The following GRID2 variants were observed in gnomAD, a reference collection of about 807,000 sequenced individuals.
GRID2 encodes glutamate ionotropic receptor delta type subunit 2.
GRID2 carries 33 observed loss-of-function variants against 114.8 expected under a neutral mutation model. The ratio of observed to expected loss-of-function variants is 0.29; its 90% CI spans 0.22 to 0.38. GRID2 has a LOEUF of 0.38. Ranked by LOEUF, GRID2 falls within the 10% of genes least tolerant of loss-of-function variation. The probability of loss-of-function intolerance (pLI) is 1.00; values close to 1 mark genes in which losing one functional copy is unlikely to be tolerated. For synonymous variants in GRID2, 505 were observed against 449.9 expected (o/e 1.12, Z -1.55); for missense variants, 1,184 against 1,257.7 (o/e 0.94, Z 0.89).
At chr4:93,544,290 G>A (rs1286611878) in intron 13 of GRID2, among the ~76,000 whole-genome samples, 2 of 139,638 alleles carry the variant, frequency 1.4e-5, no homozygotes, top group South Asian at 4.5e-4. Context: ...AAATGGGTTA[G>A]CATTTAAAAT....
At chr4:93,475,294 T>A (rs748142189) in intron 11 of GRID2, among the ~76,000 whole-genome samples, 2 of 152,114 alleles carry the variant, frequency 1.3e-5, no homozygotes, top group Non-Finnish European at 2.9e-5. Flanking sequence ...AATACTCTCC[T>A]AAGAACTTAA....
At chr4:92,886,398 A>C (rs1442529775) in intron 2 of GRID2, among the ~76,000 whole-genome samples, 3 of 152,136 alleles carry the variant, frequency 2.0e-5, no homozygotes, top group Admixed American at 1.3e-4. Flanking sequence ...AATGGGCACA[A>C]TAGATTTTTA....
chr4:92,575,167 G>T (rs1192738627), intron 1 of GRID2, among the ~76,000 whole-genome samples: 3 of 152,162 alleles, frequency 2.0e-5, no homozygotes, highest in African/African-American at 7.2e-5. Context: ...TCATCAGGTT[G>T]GTTATGTTCC....
rs542335538 is a variant in GRID2 at position 92,954,957 on chromosome 4, A to T, written c.245-130038A>T. The stretch of plus-strand genomic sequence containing the variant: ...AAAGGAGATGAACTCATCATTTTTT[A>T]TGGCTGCATAGTATTCCATGGTGTA... On this transcript the variant is annotated intron_variant, in intron 2 of 15. Coordinates refer to ENST00000282020, the MANE Select transcript of GRID2 (RefSeq NM_001510.4). Among the ~76,000 whole-genome samples the T allele has an allele frequency of 5.8e-5, 7 of 121,122 alleles. No individual in the cohort carries two copies. The Admixed American group carries it at 5.8e-4, about 10-fold the overall frequency. 79.5% of individuals were successfully genotyped at this position (121,122 alleles called of 152,430 possible).
intron 1 of GRID2, among the ~76,000 whole-genome samples, chr4:92,333,760 G>A (rs1297843176): frequency 1.3e-5 from 2 of 151,966 alleles, no homozygotes; most frequent in African/African-American, 4.8e-5. Context: ...TTAGATATGG[G>A]GTCTTGGTTT....
At position 93,216,832 on chromosome 4, in the gene GRID2, G is replaced by C; in HGVS notation, c.884G>C (p.Ser295Thr). ...ACATTTCCAGTTCCCCAGAACATAA[G>C]TCAGCGGTGTTTCCGTGGCAACCAT... Reference protein sequence around the residue: ...RQTFPVPQNISQRCFRGNHRI... With the variant: ...RQTFPVPQNITQRCFRGNHRI... Residue 295 changes from serine (S) to threonine (T), a missense_variant, in exon 6 of 16, where the codon AGT becomes ACT. Around this residue, in one of 3 missense-constraint regions of GRID2, gnomAD observed 455 missense variants for 429.5 expected, o/e 1.06. Transcript: ENST00000282020. 1 of 1,613,022 alleles carries C rather than the reference G, an allele frequency of 6.2e-7. No homozygotes were observed. The highest frequency in any genetic ancestry group is 8.5e-7 in the Non-Finnish European group (1 of 1,179,074).
chr4:93,601,513 C>A (rs1262443668), intron 13 of GRID2, among the ~76,000 whole-genome samples: 2 of 152,124 alleles, frequency 1.3e-5, no homozygotes, highest in Non-Finnish European at 2.9e-5. Flanking sequence ...CTGATAACAC[C>A]AACAGCTGAG....
chr4:92,802,079 T>A (rs1284008165), intron 2 of GRID2, among the ~76,000 whole-genome samples: 6 of 151,986 alleles, frequency 3.9e-5, no homozygotes, highest in Non-Finnish European at 7.4e-5. Context: ...GTTTTCATTA[T>A]AATTTTGGTT....
intron 8 of GRID2, among the ~76,000 whole-genome samples, chr4:93,359,701 A>T (rs981653125): frequency 3.4e-5 from 5 of 147,478 alleles, no homozygotes; most frequent in South Asian, 2.2e-4. Flanking sequence ...TTCATTCAAC[A>T]TAATGATCTC....
chr4:93,274,984 G>A (rs1751887974), intron 8 of GRID2, among the ~76,000 whole-genome samples: 1 of 151,852 alleles, frequency 6.6e-6, no homozygotes, highest in Non-Finnish European at 1.5e-5. Flanking sequence ...TATCCACAAA[G>A]TTATTCAACC....
chr4:93,064,688 G>A (rs776281594), intron 2 of GRID2, among the ~76,000 whole-genome samples: 11 of 151,924 alleles, frequency 7.2e-5, no homozygotes, highest in Non-Finnish European at 1.3e-4. Context: ...TTGAACCAGA[G>A]ATTATTGTGT....
chr4:93,651,610 A>G (rs2149722272), intron 14 of GRID2, among the ~76,000 whole-genome samples: 1 of 152,316 alleles, frequency 6.6e-6, no homozygotes, highest in Middle Eastern at 3.4e-3. Context: ...CGAGTCTAAT[A>G]TGAAAAATAA....
intron 1 of GRID2, among the ~76,000 whole-genome samples, chr4:92,401,258 T>A (rs1168741875): frequency 6.6e-6 from 1 of 152,268 alleles, no homozygotes; most frequent in Non-Finnish European, 1.5e-5. Context: ...TATATGCAAT[T>A]TGGCAATAGT....
At chr4:93,230,641 G>A (rs537559398) in intron 7 of GRID2, among the ~76,000 whole-genome samples, 24 of 152,086 alleles carry the variant, frequency 1.6e-4, no homozygotes, top group South Asian at 4.1e-4. Flanking sequence ...TAAGTGTTGC[G>A]TAGCTAATTA....
At chr4:92,950,039 G>T (rs1181227078) in intron 2 of GRID2, among the ~76,000 whole-genome samples, 8 of 152,084 alleles carry the variant, frequency 5.3e-5, no homozygotes, top group Non-Finnish European at 1.0e-4. Flanking sequence ...TTTGAGAAAA[G>T]AATCAAGATG....
intron 2 of GRID2, among the ~76,000 whole-genome samples, chr4:92,688,921 A>G (rs1285311850): frequency 6.6e-6 from 1 of 152,180 alleles, no homozygotes; most frequent in East Asian, 1.9e-4. Context: ...ACATAATAAG[A>G]CTTGAAAGTT....
At chr4:93,355,543 C>T (rs1186819193) in intron 8 of GRID2, among the ~76,000 whole-genome samples, 14 of 152,198 alleles carry the variant, frequency 9.2e-5, no homozygotes. Context: ...CTCTTTAAGA[C>T]TACACCTGAA....
rs542604150 is a variant in GRID2, at chr4:93,334,592, G to A, written c.1246-61015G>A. 1.3e-4 allele frequency among the ~76,000 whole-genome samples: 20 copies of A among 152,280 alleles called. 1 individual carries two copies. Among genetic ancestry groups the A allele is most frequent in the Admixed American group, 6.5e-5 (1 of 15,300 alleles). ...ACCCTGATAATGCTAACATGTAATA[G>A]CATTGGGTTTAAGAAGAACAAACAA... On this transcript the variant is annotated intron_variant, in intron 8 of 15. Coordinates refer to ENST00000282020, the MANE Select transcript of GRID2 (RefSeq NM_001510.4).
chr4:92,637,691 G>A (rs950841141), intron 2 of GRID2, among the ~76,000 whole-genome samples: 2 of 151,946 alleles, frequency 1.3e-5, no homozygotes, highest in African/African-American at 4.8e-5. Context: ...TTTAATCATT[G>A]AACTTATTTG....
Sources: gnomAD v4.1 joint callset for allele counts (sites outside exome capture counted in the v4.1 genomes callset) on GRCh38, gnomAD v4.1.1 for gene constraint, gnomAD v4.1.1 regional missense constraint, MANE v1.5 for transcripts, NCBI Gene and HGNC (gene_info 2026-07-23, HGNC 2026-07-21) for gene names.